The following PLCB4 variants were observed in gnomAD, a reference collection of about 807,000 sequenced individuals.
PLCB4 encodes 1-phosphatidylinositol 4,5-bisphosphate phosphodiesterase beta-4.
Under a neutral mutation model 178.8 loss-of-function variants are expected in PLCB4, and 77 were observed. That is an observed-to-expected ratio of 0.43 (90% CI 0.36 to 0.52). The LOEUF (loss-of-function observed/expected upper bound fraction) is 0.52, where lower values mean the gene tolerates loss of function less well. Ranked by LOEUF, PLCB4 falls within the 20% of genes least tolerant of loss-of-function variation. The pLI, the probability that PLCB4 is intolerant of heterozygous loss-of-function variation, is 0.00. For missense variants in PLCB4, 1,024 were observed against 1,453.4 expected, an observed-to-expected ratio of 0.70 and a Z score of 4.80; for synonymous variants, 496 against 490.8, an observed-to-expected ratio of 1.01 and a Z score of -0.14.
At chr20:9,194,038 T>C (rs543336151) in intron 2 of PLCB4, among the ~76,000 whole-genome samples, 8 of 152,192 alleles carry the variant, frequency 5.3e-5, no homozygotes, top group Non-Finnish European at 1.2e-4. Flanking sequence ...ATCACTCTTT[T>C]TATACACATT....
At chr20:9,344,640 GACA>G (rs1601976658) in intron 7 of PLCB4, among the ~76,000 whole-genome samples, 2 of 152,176 alleles carry the variant, frequency 1.3e-5, no homozygotes, top group South Asian at 2.1e-4. Flanking sequence ...ATGATCCTTT[GACA>G]ACAAGACTGA....
rs149812980 is a variant in PLCB4 at position 9,394,646 on chromosome 20, T to G, written c.1415-877T>G. ...TGTAACGAGTCCCAAGTTGATGGAT[T>G]TTCACTACTATAAACATGCTTGAAT... On this transcript the variant is annotated intron_variant, in intron 18 of 39. Coordinates refer to ENST00000378473, the MANE Select transcript of PLCB4 (RefSeq NM_001377142.1). Among the ~76,000 whole-genome samples the G allele has an allele frequency of 3.7e-3, 559 of 152,306 alleles. 2 individuals are homozygous for G. The highest frequency in any genetic ancestry group is 0.013 in the African/African-American group (540 of 41,564).
At chr20:9,295,552 C>A (rs2094624155) in intron 3 of PLCB4, among the ~76,000 whole-genome samples, 1 of 152,086 alleles carries the variant, frequency 6.6e-6, no homozygotes. Context: ...AACAGAAATA[C>A]TTTATTTCAG....
chr20:9,292,282 T>A (rs2094586611), intron 3 of PLCB4, among the ~76,000 whole-genome samples: 1 of 152,206 alleles, frequency 6.6e-6, no homozygotes, highest in Non-Finnish European at 1.5e-5. Flanking sequence ...GAGATTTCCC[T>A]CTTGACATAT....
In PLCB4 at chr20:9,266,144, A is replaced by G. The variant is rs149756186; in HGVS notation, c.-15-41656A>G. On this transcript the variant is annotated intron_variant, in intron 3 of 39. Transcript: ENST00000378473. ...ACTGTTAAGAGAAATACTGAAATCT[A>G]CAGCCTTGCTATACAATGTGTGGTC... is the stretch of plus-strand genomic sequence containing the variant. Among the ~76,000 whole-genome samples, 12 of 152,348 alleles carry G rather than the reference A, an allele frequency of 7.9e-5. No homozygotes were observed. The East Asian group carries it at 2.1e-3, about 27-fold the overall frequency.
intron 3 of PLCB4, among the ~76,000 whole-genome samples, chr20:9,295,978 A>G (rs1330882392): frequency 6.6e-6 from 1 of 152,224 alleles, no homozygotes; most frequent in Non-Finnish European, 1.5e-5. Context: ...CACCAAAAGC[A>G]ATGGCAACAA....
chr20:9,205,366 C>T (rs934688570), intron 2 of PLCB4, among the ~76,000 whole-genome samples: 1 of 152,002 alleles, frequency 6.6e-6, no homozygotes, highest in Non-Finnish European at 1.5e-5. Context: ...TTTGACTTAC[C>T]GTATTTTCAA....
At chr20:9,455,801 A>G (rs1336373280) in intron 33 of PLCB4, among the ~76,000 whole-genome samples, 3 of 152,316 alleles carry the variant, frequency 2.0e-5, no homozygotes, top group Middle Eastern at 3.4e-3. Context: ...CTGGAAAGCC[A>G]TATCTGAGGA....
At chr20:9,112,756 T>C (rs566107101) in intron 2 of PLCB4, among the ~76,000 whole-genome samples, 21 of 152,318 alleles carry the variant, frequency 1.4e-4, no homozygotes, top group South Asian at 6.2e-4. Context: ...TGAAAAAGAC[T>C]GGAGCTGAAA....
At chr20:9,140,975 T>C (rs569886969) in intron 2 of PLCB4, among the ~76,000 whole-genome samples, 1 of 152,130 alleles carries the variant, frequency 6.6e-6, no homozygotes, top group South Asian at 2.1e-4. Context: ...TATAAGGACA[T>C]AGTTTATTGG....
Position 9,393,685 on chromosome 20 carries a change from G to A in PLCB4, c.1414+7G>A, listed in dbSNP as rs765665567. 1.3e-6 allele frequency: 2 copies of A among 1,534,096 alleles called. No individual in the cohort carries two copies. The highest frequency in any genetic ancestry group is 1.8e-6 in the Non-Finnish European group (2 of 1,107,336). ...AAACCTGAAGTTGAAAAAAGTAAGT[G>A]AAACACACACATTTATAATGGAAGC... On this transcript the variant is annotated splice_region_variant and intron_variant, in intron 18 of 39. Coordinates refer to ENST00000378473, the MANE Select transcript of PLCB4 (RefSeq NM_001377142.1).
chr20:9,434,612 G>T (rs1377258357), intron 28 of PLCB4, among the ~76,000 whole-genome samples: 1 of 152,112 alleles, frequency 6.6e-6, no homozygotes, highest in African/African-American at 2.4e-5. Flanking sequence ...GTGACCTCAG[G>T]TGATCCACCC....
chr20:9,098,741 A>ATGTGTG (rs35465129), intron 2 of PLCB4, among the ~76,000 whole-genome samples: 13,206 of 135,044 alleles, frequency 0.098, 1,300 homozygotes, highest in African/African-American at 0.26. Context: ...ATATACATAT[A>ATGTGTG]TGTGTGTGTG....
At chr20:9,234,345 A>T (rs974826088) in intron 3 of PLCB4, among the ~76,000 whole-genome samples, 3 of 152,148 alleles carry the variant, frequency 2.0e-5, no homozygotes, top group Non-Finnish European at 4.4e-5. Flanking sequence ...GGGATGCAGA[A>T]GTGATTAATG....
intron 32 of PLCB4, among the ~76,000 whole-genome samples, chr20:9,445,641 G>GTCAAT (rs1257287437): frequency 1.7e-4 from 26 of 152,294 alleles, no homozygotes; most frequent in Admixed American, 1.4e-3. Context: ...TGCTGATACA[G>GTCAAT]TCACTTCACT....
At chr20:9,172,268 T>G (rs2093076379) in intron 2 of PLCB4, among the ~76,000 whole-genome samples, 1 of 152,162 alleles carries the variant, frequency 6.6e-6, no homozygotes, top group African/African-American at 2.4e-5. Flanking sequence ...GTTTTCAGCT[T>G]CAACTAAAAA....
At chr20:9,253,980 G>A (rs931531889) in intron 3 of PLCB4, among the ~76,000 whole-genome samples, 14 of 152,188 alleles carry the variant, frequency 9.2e-5, no homozygotes, top group African/African-American at 3.4e-4. Context: ...TAGAGCAAAA[G>A]TATGTTTGGT....
At chr20:9,424,961 A>G (rs953226113) in intron 28 of PLCB4, among the ~76,000 whole-genome samples, 1 of 152,150 alleles carries the variant, frequency 6.6e-6, no homozygotes, top group Non-Finnish European at 1.5e-5. Context: ...CCAGTCTAAT[A>G]TCAGAGTCAA....
Position 9,195,721 on chromosome 20 carries a change from G to A in PLCB4, c.-78-21669G>A, listed in dbSNP as rs555427057. Among the ~76,000 whole-genome samples, 5 of 152,020 alleles carry A rather than the reference G, an allele frequency of 3.3e-5. No homozygotes were observed. In the East Asian group the frequency reaches 7.8e-4, roughly 24 times the overall value. On this transcript the variant is annotated intron_variant, in intron 2 of 39. Transcript: ENST00000378473. ...ATTGAATTACACCACCAACTTTCCC[G>A]GCTCTCCAACAGATTGTGGGACTTC...
Sources: gnomAD v4.1 joint callset for allele counts (sites outside exome capture counted in the v4.1 genomes callset) on GRCh38, gnomAD v4.1.1 for gene constraint, MANE v1.5 for transcripts, NCBI Gene and HGNC (gene_info 2026-07-23, HGNC 2026-07-21) for gene names.